PRKCE: variants seen among roughly 807,000 people sequenced by gnomAD.
PRKCE encodes protein kinase C epsilon.
Under a neutral mutation model 85.4 loss-of-function variants are expected in PRKCE, and 16 were observed. The ratio of observed to expected loss-of-function variants is 0.19; its 90% CI spans 0.13 to 0.28. The LOEUF is 0.28. Among genes scored for constraint, PRKCE ranks in the 10% least tolerant of loss-of-function variants. PRKCE has a pLI of 1.00. For missense variants in PRKCE, 573 were observed against 975.2 expected (o/e 0.59, Z 5.49); for synonymous variants, 388 against 371.5 (o/e 1.04, Z -0.51).
At chr2:46,020,296 T>C (rs1375183856) in intron 10 of PRKCE, among the ~76,000 whole-genome samples, 1 of 152,202 alleles carries the variant, frequency 6.6e-6, no homozygotes, top group Non-Finnish European at 1.5e-5. Flanking sequence ...TGCAGCTCCA[T>C]GTCCGACTGT....
intron 1 of PRKCE, among the ~76,000 whole-genome samples, chr2:45,834,129 C>T (rs190287678): frequency 5.1e-4 from 77 of 152,364 alleles, no homozygotes; most frequent in African/African-American, 1.8e-3. Context: ...CTTGAGCCTA[C>T]TCCATTTGTG....
intron 1 of PRKCE, among the ~76,000 whole-genome samples, chr2:45,682,151 A>C (rs531072977): frequency 6.6e-6 from 1 of 152,228 alleles, no homozygotes; most frequent in Non-Finnish European, 1.5e-5. Flanking sequence ...CATCTCTGAC[A>C]TACAAACTGC....
intron 14 of PRKCE, among the ~76,000 whole-genome samples, chr2:46,163,365 T>G (rs1379113911): frequency 1.5e-5 from 2 of 132,744 alleles, no homozygotes; most frequent in Non-Finnish European, 3.2e-5. Context: ...GAAGTTGAGC[T>G]TCATCCCCAC....
chr2:45,768,853 T>A (rs1685105926), intron 1 of PRKCE, among the ~76,000 whole-genome samples: 1 of 152,318 alleles, frequency 6.6e-6, no homozygotes, highest in South Asian at 2.1e-4. Flanking sequence ...AAATGTTGTG[T>A]CTCCACCTTG....
chr2:46,059,108 G>A (rs540649229), intron 10 of PRKCE, among the ~76,000 whole-genome samples: 15 of 152,304 alleles, frequency 9.8e-5, no homozygotes, highest in African/African-American at 3.6e-4. Context: ...AAAATTAGCT[G>A]AGCTTTGTGG....
chr2:45,926,479 T>C (rs545507673), intron 2 of PRKCE, among the ~76,000 whole-genome samples: 137 of 152,246 alleles, frequency 9.0e-4, no homozygotes, highest in African/African-American at 3.0e-3. Flanking sequence ...ATAGTGGTGA[T>C]AAAGAGGAGG....
At chr2:46,112,849 T>A (rs987563828) in intron 11 of PRKCE, among the ~76,000 whole-genome samples, 30 of 152,184 alleles carry the variant, frequency 2.0e-4, no homozygotes, top group Admixed American at 3.3e-4. Context: ...TTTGTTATAT[T>A]CATTTTTTGT....
At position 45,786,763 on chromosome 2, in the gene PRKCE, A is replaced by T. The variant is rs772693135; in HGVS notation, c.349-56237A>T. Among the ~76,000 whole-genome samples the T allele has an allele frequency of 6.6e-6, 1 of 152,158 alleles. No homozygotes were observed. The highest frequency in any genetic ancestry group is 1.5e-5 in the Non-Finnish European group (1 of 68,026). On this transcript the variant is annotated intron_variant, in intron 1 of 14. Transcript: ENST00000306156. The surrounding 1 kb of genome is among the most constrained non-coding windows in gnomAD (Gnocchi z 5.3). ...GCTGTGTACAGCCTCTTGGCCACCT[A>T]ATCCTCCAACAGTTCAGTGAGGTAA...
chr2:45,968,284 C>T (rs6735240), intron 2 of PRKCE, among the ~76,000 whole-genome samples: 8 of 152,106 alleles, frequency 5.3e-5, no homozygotes, highest in Admixed American at 1.3e-4. Context: ...AATACTACTC[C>T]GCCATAATAA....
chr2:46,029,957 T>C, intron 10 of PRKCE, among the ~76,000 whole-genome samples: 1 of 152,154 alleles, frequency 6.6e-6, no homozygotes. Flanking sequence ...TCCTTTCTTC[T>C]AAATACCCTC....
At chr2:45,760,293 C>G (rs989784160) in intron 1 of PRKCE, among the ~76,000 whole-genome samples, 5 of 152,120 alleles carry the variant, frequency 3.3e-5, no homozygotes, top group African/African-American at 1.2e-4. Context: ...AAGAAAGTGG[C>G]TAGTATGGTT....
intron 2 of PRKCE, among the ~76,000 whole-genome samples, chr2:45,917,559 A>T (rs1040466653): frequency 2.6e-5 from 4 of 152,230 alleles, no homozygotes; most frequent in Admixed American, 6.5e-5. Flanking sequence ...TGAGCTAGAC[A>T]TAAAGGTTCT....
At chr2:46,011,001 A>AT in intron 10 of PRKCE, 1 of 1,312,934 alleles carries the variant, frequency 7.6e-7, no homozygotes, top group Admixed American at 3.2e-5. Context: ...ATAAGGCAGC[A>AT]TTTTTAATTT....
chr2:46,006,844 G>A (rs1165477389), intron 8 of PRKCE, among the ~76,000 whole-genome samples: 1 of 152,118 alleles, frequency 6.6e-6, no homozygotes, highest in Admixed American at 6.5e-5. Flanking sequence ...ATGTCACTTG[G>A]GAAAGCAATT....
At chr2:46,137,342 A>G (rs917768450) in intron 11 of PRKCE, among the ~76,000 whole-genome samples, 4 of 152,240 alleles carry the variant, frequency 2.6e-5, no homozygotes, top group African/African-American at 9.6e-5. Context: ...AACTTCTTAT[A>G]CATAAATTAC....
intron 10 of PRKCE, among the ~76,000 whole-genome samples, chr2:46,080,557 A>T (rs905541214): frequency 6.6e-6 from 1 of 152,210 alleles, no homozygotes; most frequent in African/African-American, 2.4e-5. Context: ...TGACGCAGAC[A>T]TAATAGGAAC....
At position 46,159,244 on chromosome 2, in the gene PRKCE, A is replaced by C. The variant is rs1677517424; in HGVS notation, c.1921-362A>C. Among the ~76,000 whole-genome samples, 1 of 152,216 alleles carries C rather than the reference A, an allele frequency of 6.6e-6. No homozygotes were observed. Among genetic ancestry groups the C allele is most frequent in the Non-Finnish European group, 1.5e-5 (1 of 68,040 alleles). ...AGAATCTGAGGGGGATCACAGAGTCAGTAAGAGCCAGAGTGCATAATCCCA... is the reference window on the plus strand; with the variant it reads ...AGAATCTGAGGGGGATCACAGAGTCCGTAAGAGCCAGAGTGCATAATCCCA... On this transcript the variant is annotated intron_variant, in intron 13 of 14. Coordinates refer to ENST00000306156, the MANE Select transcript of PRKCE (RefSeq NM_005400.3). The surrounding 1 kb of genome is among the most constrained non-coding windows in gnomAD (Gnocchi z 4.1).
intron 1 of PRKCE, among the ~76,000 whole-genome samples, chr2:45,693,309 T>G (rs1677887184): frequency 6.6e-6 from 1 of 152,118 alleles, no homozygotes; most frequent in Non-Finnish European, 1.5e-5. Context: ...CTGAGATCAT[T>G]AAAGCTCCAG....
intron 1 of PRKCE, among the ~76,000 whole-genome samples, chr2:45,741,394 A>G (rs535609262): frequency 3.3e-4 from 50 of 152,330 alleles, no homozygotes; most frequent in Admixed American, 3.1e-3. Flanking sequence ...ACACCCTGTC[A>G]GTTGTAGGCA....
Sources: gnomAD v4.1 joint callset for allele counts (sites outside exome capture counted in the v4.1 genomes callset) on GRCh38, gnomAD v4.1.1 for gene constraint, Gnocchi (gnomAD v3.1) non-coding constraint, MANE v1.5 for transcripts, NCBI Gene and HGNC (gene_info 2026-07-23, HGNC 2026-07-21) for gene names.